The following FYN variants were observed in gnomAD, a reference collection of about 807,000 sequenced individuals.
FYN encodes the protein tyrosine-protein kinase Fyn.
Under a neutral mutation model 70.2 loss-of-function variants are expected in FYN, and 10 were observed. The ratio of observed to expected loss-of-function variants is 0.14; its 90% CI spans 0.09 to 0.24. FYN has a LOEUF of 0.24. FYN is among the 10% of genes least tolerant of loss of function. The pLI is 1.00. For synonymous variants in FYN, 236 were observed against 248.6 expected (o/e 0.95, Z 0.48); for missense variants, 319 against 673.1 (o/e 0.47, Z 5.82).
rs1041089964 is a variant in FYN, at chr6:111,769,946, A to G, written c.-12+10620T>C. Among the ~76,000 whole-genome samples the G allele has an allele frequency of 1.1e-4, 17 of 152,326 alleles. No homozygotes were observed. In the East Asian group the frequency reaches 3.3e-3, roughly 29 times the overall value. On this transcript the variant is annotated intron_variant, in intron 3 of 13. Transcript: ENST00000354650. ...CAAGCATCTCTCTGTAATTAGAGTTAGCTGGAGAGGGGGAGAATGGCACAA... is the reference window on the plus strand; with the variant it reads ...CAAGCATCTCTCTGTAATTAGAGTTGGCTGGAGAGGGGGAGAATGGCACAA...
At chr6:111,823,575 G>T (rs1772741677) in intron 2 of FYN, among the ~76,000 whole-genome samples, 1 of 152,188 alleles carries the variant, frequency 6.6e-6, no homozygotes, top group Admixed American at 6.5e-5. Context: ...AAGATCTAAG[G>T]GATAAAAATC....
At chr6:111,777,939 C>T (rs941949584) in intron 3 of FYN, among the ~76,000 whole-genome samples, 2 of 152,192 alleles carry the variant, frequency 1.3e-5, no homozygotes, top group Non-Finnish European at 2.9e-5. Flanking sequence ...TGCCACCCTC[C>T]CTACTTTTAG....
At chr6:111,718,519 G>A (rs697640) in intron 4 of FYN, among the ~76,000 whole-genome samples, 3,629 of 152,226 alleles carry the variant, frequency 0.024, 153 homozygotes, top group African/African-American at 0.078. Flanking sequence ...TCCAGCACTC[G>A]TGAATGAATG....
At chr6:111,683,891 C>G (rs1583302421) in intron 12 of FYN, among the ~76,000 whole-genome samples, 1 of 152,118 alleles carries the variant, frequency 6.6e-6, no homozygotes, top group African/African-American at 2.4e-5. Context: ...ATTTCAAACC[C>G]AATGAAACTT....
intron 3 of FYN, among the ~76,000 whole-genome samples, chr6:111,725,675 A>G (rs1801159077): frequency 6.6e-6 from 1 of 152,238 alleles, no homozygotes; most frequent in Non-Finnish European, 1.5e-5. Context: ...CAGCTATGAA[A>G]AAAAGCATGC....
At chr6:111,681,759 G>A (rs918030892) in intron 12 of FYN, among the ~76,000 whole-genome samples, 4 of 152,108 alleles carry the variant, frequency 2.6e-5, no homozygotes, top group Non-Finnish European at 4.4e-5. Context: ...TACACTGAGC[G>A]CTTGCTAAGA....
At chr6:111,834,662 C>T (rs1475088938) in intron 2 of FYN, among the ~76,000 whole-genome samples, 2 of 152,234 alleles carry the variant, frequency 1.3e-5, no homozygotes, top group South Asian at 2.1e-4. Context: ...CATTTCTAAT[C>T]TGTCTGCCCA....
At chr6:111,771,970 G>A (rs1188747854) in intron 3 of FYN, among the ~76,000 whole-genome samples, 1 of 152,086 alleles carries the variant, frequency 6.6e-6, no homozygotes, top group Admixed American at 6.5e-5. Flanking sequence ...AGGGATGAGA[G>A]GGAACATGGA....
chr6:111,861,678 C>T (rs1035823229), intron 1 of FYN, among the ~76,000 whole-genome samples: 2 of 152,172 alleles, frequency 1.3e-5, no homozygotes, highest in Non-Finnish European at 2.9e-5. Context: ...AAGCCATTAA[C>T]GAGGAATCAC....
intron 9 of FYN, 62 bp downstream of exon 9, chr6:111,700,042 T>C (rs1172692641): frequency 6.8e-7 from 1 of 1,479,026 alleles, no homozygotes; most frequent in Non-Finnish European, 9.4e-7. Flanking sequence ...ACCTTCCATC[T>C]TTGGTGTTTG....
chr6:111,851,498 A>G (rs2114493407), intron 1 of FYN, among the ~76,000 whole-genome samples: 1 of 152,330 alleles, frequency 6.6e-6, no homozygotes, highest in African/African-American at 2.4e-5. Context: ...AAGGGACCCT[A>G]TAAGAACAGT....
intron 12 of FYN, among the ~76,000 whole-genome samples, chr6:111,678,281 T>G (rs1329397163): frequency 1.3e-5 from 2 of 152,130 alleles, no homozygotes; most frequent in African/African-American, 4.8e-5. Flanking sequence ...CAACCTGGTG[T>G]TGTCACTGGT....
At chr6:111,724,121 T>G (rs1382084125) in intron 3 of FYN, among the ~76,000 whole-genome samples, 3 of 152,204 alleles carry the variant, frequency 2.0e-5, no homozygotes, top group Non-Finnish European at 4.4e-5. Flanking sequence ...AAAATTTCCC[T>G]AGTCCTGTGG....
rs544010275 is a variant in FYN, at chr6:111,814,414, A to AT, written c.-82+32174dup. ...AAAGCAAAATCTGAAACATAAAAAG[A>AT]TTTTTTTTCACTGCAAGCTTCTGGA... On this transcript the variant is annotated intron_variant, in intron 2 of 13. Coordinates refer to ENST00000354650, the MANE Select transcript of FYN (RefSeq NM_002037.5). Among the ~76,000 whole-genome samples, 292 of 152,164 alleles carry AT rather than the reference A, an allele frequency of 1.9e-3. 1 individual carries two copies. Among genetic ancestry groups the AT allele is most frequent in the Non-Finnish European group, 4.3e-4 (29 of 68,012 alleles).
At chr6:111,781,182 T>C (rs975722554) in intron 2 of FYN, 17 of 152,210 alleles carry the variant, frequency 1.1e-4, no homozygotes, top group African/African-American at 3.9e-4. Context: ...TAACAGCCTC[T>C]GGCACACAGT....
chr6:111,762,418 G>C (rs1327871740), intron 3 of FYN, among the ~76,000 whole-genome samples: 2 of 152,120 alleles, frequency 1.3e-5, no homozygotes, highest in East Asian at 1.9e-4. Context: ...AACTAGTTCA[G>C]GCCATGAAGG....
chr6:111,764,228 A>AAAAAG (rs1554286117), intron 3 of FYN, among the ~76,000 whole-genome samples: 5,760 of 134,418 alleles, frequency 0.043, 514 homozygotes, highest in African/African-American at 0.14. Flanking sequence ...AAAAAAAAAA[A>AAAAAG]AAAAGAAAAG....
At chr6:111,720,945 A>T (rs1800905401) in intron 3 of FYN, among the ~76,000 whole-genome samples, 1 of 151,988 alleles carries the variant, frequency 6.6e-6, no homozygotes, top group African/African-American at 2.4e-5. Flanking sequence ...CCTGAGAAGC[A>T]TCCTCATTTC....
chr6:111,778,473 T>C (rs1771037036), intron 3 of FYN, among the ~76,000 whole-genome samples: 1 of 152,178 alleles, frequency 6.6e-6, no homozygotes, highest in Non-Finnish European at 1.5e-5. Context: ...ACTGTATTAA[T>C]AGTTCAATAT....
Sources: gnomAD v4.1 joint callset for allele counts (sites outside exome capture counted in the v4.1 genomes callset) on GRCh38, gnomAD v4.1.1 for gene constraint, MANE v1.5 for transcripts, NCBI Gene and HGNC (gene_info 2026-07-23, HGNC 2026-07-21) for gene names.